DIS3L2: variants seen among roughly 807,000 people sequenced by gnomAD.
DIS3L2 encodes DIS3-like exonuclease 2.
A neutral mutation model predicts 97.5 loss-of-function variants in DIS3L2; 34 were observed. The observed-to-expected ratio is 0.35, with a 90% confidence interval of 0.27 to 0.46. The LOEUF is 0.46. Among genes scored for constraint, DIS3L2 ranks in the 20% least tolerant of loss-of-function variants. The probability of loss-of-function intolerance (pLI) is 1.00; values close to 1 mark genes in which losing one functional copy is unlikely to be tolerated. For missense variants in DIS3L2, 1,038 were observed against 1,146.0 expected (o/e 0.91, Z 1.36); for synonymous variants, 435 against 445.2 (o/e 0.98, Z 0.29).
chr2:232,052,952 G>A (rs1695450395), intron 5 of DIS3L2, among the ~76,000 whole-genome samples: 1 of 152,192 alleles, frequency 6.6e-6, no homozygotes, highest in East Asian at 1.9e-4. Context: ...GGCAAGTGCC[G>A]TTTGTTGTTG....
chr2:231,963,848 A>T (rs755316968), intron 1 of DIS3L2, among the ~76,000 whole-genome samples: 12 of 152,088 alleles, frequency 7.9e-5, no homozygotes, highest in Non-Finnish European at 1.5e-4. Context: ...CCTCCCGAGT[A>T]GCTGAGACTA....
chr2:232,336,698 G>A lies in DIS3L2; in HGVS notation c.*68G>A, dbSNP rs779988964. 2.6e-6 allele frequency: 4 copies of A among 1,540,266 alleles called. No homozygotes were observed. In the South Asian group the frequency reaches 3.6e-5, roughly 14 times the overall value. On this transcript the variant is annotated 3_prime_UTR_variant, in exon 21 of 21. Transcript: ENST00000325385. ...CGCCACACTGGCTTTAGGACCTGTTGACACGGAGGGGGGTTTTTAATTTGG... is the reference window on the plus strand; with the variant it reads ...CGCCACACTGGCTTTAGGACCTGTTAACACGGAGGGGGGTTTTTAATTTGG...
At chr2:232,171,346 C>T (rs1296041786) in intron 9 of DIS3L2, among the ~76,000 whole-genome samples, 1 of 152,154 alleles carries the variant, frequency 6.6e-6, no homozygotes, top group African/African-American at 2.4e-5. Flanking sequence ...CATTTTGCAA[C>T]TTTCTGAACT....
intron 9 of DIS3L2, among the ~76,000 whole-genome samples, chr2:232,196,556 T>A (rs3116194): frequency 0.074 from 11,333 of 152,150 alleles, 491 homozygotes; most frequent in Middle Eastern, 0.16. Flanking sequence ...TTTTGAGGCC[T>A]CCCAGTGACC....
At position 232,186,024 on chromosome 2, in the gene DIS3L2, T is replaced by G. The variant is rs909059430; in HGVS notation, c.1124+22392T>G. Among the ~76,000 whole-genome samples the G allele has an allele frequency of 6.6e-5, 10 of 152,054 alleles. No individual in the cohort carries two copies. In the East Asian group the frequency reaches 1.3e-3, roughly 20 times the overall value. On this transcript the variant is annotated intron_variant, in intron 9 of 20. Coordinates refer to ENST00000325385, the MANE Select transcript of DIS3L2 (RefSeq NM_152383.5). ...GACTTAATTTTTAAAAGAGACAGGA[T>G]CTCACTATGTTGCCCAGGCTGTTCT...
At chr2:232,331,329 C>T (rs1433804206) in intron 16 of DIS3L2, among the ~76,000 whole-genome samples, 2 of 152,222 alleles carry the variant, frequency 1.3e-5, no homozygotes, top group Non-Finnish European at 2.9e-5. Flanking sequence ...ATCCTGGGAC[C>T]AGGACCCCAG....
chr2:232,166,318 TACACACACCAC>T lies in DIS3L2; in HGVS notation c.1124+2695_1124+2705del, dbSNP rs1241372191. 4.1e-5 allele frequency among the ~76,000 whole-genome samples: 6 copies of T among 145,946 alleles called. No homozygotes were observed. The East Asian group carries it at 9.7e-4, about 24-fold the overall frequency. On this transcript the variant is annotated intron_variant, in intron 9 of 20. Coordinates refer to ENST00000325385, the MANE Select transcript of DIS3L2 (RefSeq NM_152383.5). ...AGCCTTTGTTAAAATATATCTTAAA[TACACACACCAC>T]ACACACACACGCGTGCGCGCGCGCC...
chr2:232,341,832 G>C (rs1170320606), downstream of DIS3L2, among the ~76,000 whole-genome samples: 4 of 152,118 alleles, frequency 2.6e-5, no homozygotes, highest in Non-Finnish European at 5.9e-5. Flanking sequence ...AAACCTACCT[G>C]CCCTTCTGTA....
Position 232,014,835 on chromosome 2 carries a change from C to T in DIS3L2, c.-93C>T, listed in dbSNP as rs1171638363. ...ATTACCAATCTCTTCTTGGTTTCAG[C>T]GAATGACAACAGAGCTGCTCAAGGC... is the stretch of plus-strand genomic sequence containing the variant. On this transcript the variant is annotated splice_region_variant and 5_prime_UTR_variant, in exon 2 of 21. Coordinates refer to ENST00000325385, the MANE Select transcript of DIS3L2 (RefSeq NM_152383.5). The T allele has an allele frequency of 1.5e-5, 21 of 1,372,528 alleles. No homozygotes were observed. In the East Asian group the frequency reaches 2.6e-4, roughly 17 times the overall value. 85.0% of individuals were successfully genotyped at this position (1,372,528 alleles called of 1,614,324 possible).
chr2:231,975,771 T>C (rs561808240), intron 1 of DIS3L2, among the ~76,000 whole-genome samples: 1 of 147,640 alleles, frequency 6.8e-6, no homozygotes, highest in South Asian at 2.2e-4. Context: ...GGAAGAGCAG[T>C]CTTGCAAGCT....
At chr2:232,321,557 TGG>T (rs1262064851) in intron 14 of DIS3L2, among the ~76,000 whole-genome samples, 2 of 151,684 alleles carry the variant, frequency 1.3e-5, no homozygotes, top group Non-Finnish European at 2.9e-5. Flanking sequence ...TGCGTCTCTG[TGG>T]GGGGTGGGAG....
At chr2:232,181,472 C>T (rs1249260) in intron 9 of DIS3L2, among the ~76,000 whole-genome samples, 10,817 of 149,584 alleles carry the variant, frequency 0.072, 1,140 homozygotes, top group East Asian at 0.51. Flanking sequence ...AGATTTGGTC[C>T]TTTCACATAG....
intron 5 of DIS3L2, among the ~76,000 whole-genome samples, chr2:232,081,424 A>G (rs1430744501): frequency 6.6e-6 from 1 of 152,152 alleles, no homozygotes; most frequent in African/African-American, 2.4e-5. Context: ...TTTAGCAACC[A>G]TTGATGACCA....
chr2:232,300,140 G>A lies in DIS3L2; in HGVS notation c.1739+21G>A, dbSNP rs753988996. The A allele has an allele frequency of 8.1e-6, 13 of 1,610,790 alleles. No homozygotes were observed. In the East Asian group the frequency reaches 2.9e-4, roughly 36 times the overall value. On this transcript the variant is annotated intron_variant, in intron 14 of 20. Coordinates refer to ENST00000325385, the MANE Select transcript of DIS3L2 (RefSeq NM_152383.5). Reference sequence around the variant, plus strand: ...AACAAGTAAGCCACTCAGTGGGAAAGAGTGTCACTTCACATGTGTGCAGCA... The same window carrying A: ...AACAAGTAAGCCACTCAGTGGGAAAAAGTGTCACTTCACATGTGTGCAGCA...
intron 14 of DIS3L2, among the ~76,000 whole-genome samples, chr2:232,315,311 A>G (rs534137418): frequency 6.6e-6 from 1 of 152,220 alleles, no homozygotes; most frequent in Non-Finnish European, 1.5e-5. Context: ...CGGTACTGAA[A>G]GCCCAGAGCC....
chr2:232,076,846 A>C (rs1696203428), intron 5 of DIS3L2, among the ~76,000 whole-genome samples: 1 of 152,172 alleles, frequency 6.6e-6, no homozygotes, highest in Admixed American at 6.5e-5. Flanking sequence ...TTTAGATTAC[A>C]TCTTCCTTAG....
chr2:232,034,108 T>A (rs1473978730), intron 5 of DIS3L2, among the ~76,000 whole-genome samples: 1 of 152,190 alleles, frequency 6.6e-6, no homozygotes, highest in South Asian at 2.1e-4. Flanking sequence ...TGGGCCTTTT[T>A]TTGGTTGGTA....
At chr2:232,333,088 G>GCCTCCTCCTCTTCCTCCTCCTCATTGT (rs1695795757) in intron 16 of DIS3L2, among the ~76,000 whole-genome samples, 1 of 151,216 alleles carries the variant, frequency 6.6e-6, no homozygotes, top group Non-Finnish European at 1.5e-5. Flanking sequence ...ACCGCAGGCG[G>GCCTCCTCCTCTTCCTCCTCCTCATTGT]CCTCCTCCTC....
chr2:231,966,131 G>A (rs1156894463), intron 1 of DIS3L2, among the ~76,000 whole-genome samples: 1 of 151,374 alleles, frequency 6.6e-6, no homozygotes, highest in Non-Finnish European at 1.5e-5. Flanking sequence ...TTTTGCTGAT[G>A]TCAGGGAGTG....
Sources: allele counts gnomAD v4.1 joint callset (sites outside exome capture counted in the v4.1 genomes callset), GRCh38; gene constraint gnomAD v4.1.1; transcripts MANE v1.5; gene names NCBI Gene and HGNC (gene_info 2026-07-23, HGNC 2026-07-21).